Variants in MID1 observed in about 807,000 individuals in gnomAD.
MID1 encodes the protein midline 1, also known as E3 ubiquitin-protein ligase Midline-1.
Under a neutral mutation model 40.4 loss-of-function variants are expected in MID1, and 7 were observed. The ratio of observed to expected loss-of-function variants is 0.17; its 90% CI spans 0.10 to 0.33. The LOEUF (loss-of-function observed/expected upper bound fraction) is 0.33. Among genes scored for constraint, MID1 ranks in the 10% least tolerant of loss-of-function variants. MID1 has a pLI of 1.00. For missense variants in MID1, 367 were observed against 558.5 expected (o/e 0.66, Z 3.46); for synonymous variants, 229 against 221.2 (o/e 1.04, Z -0.31).
chrX:10,818,472 C>T (rs961227804), intron 1 of MID1, among the ~76,000 whole-genome samples: 9 of 112,644 alleles, frequency 8.0e-5, no homozygotes, highest in East Asian at 2.8e-4. Flanking sequence ...TTTCTACATG[C>T]TATCAGTGTT....
chrX:10,712,141 G>A (rs1363898306), intron 1 of MID1, among the ~76,000 whole-genome samples: 1 of 111,714 alleles, frequency 9.0e-6, no homozygotes, highest in Non-Finnish European at 1.9e-5. Context: ...ACATGAGTAG[G>A]GAAGGAGAGG....
At chrX:10,627,055 G>A (rs929525973) in intron 1 of MID1, among the ~76,000 whole-genome samples, 2 of 111,843 alleles carry the variant, frequency 1.8e-5, no homozygotes, top group Non-Finnish European at 3.8e-5. Context: ...AGGGATTACT[G>A]TTTTTCATTA....
chrX:10,469,290 C>T (rs1359232292), intron 7 of MID1: 19 of 871,013 alleles, frequency 2.2e-5, no homozygotes, highest in Non-Finnish European at 2.7e-5. Context: ...ACCAGGTTGC[C>T]CAGGGTTTAT....
chrX:10,757,542 T>C (rs2043639864), intron 1 of MID1, among the ~76,000 whole-genome samples: 1 of 112,558 alleles, frequency 8.9e-6, no homozygotes, highest in Non-Finnish European at 1.9e-5. Context: ...CTGAGGTTTA[T>C]GCATGCAGTT....
At chrX:10,737,463 C>T (rs2043495103) in intron 1 of MID1, among the ~76,000 whole-genome samples, 1 of 112,653 alleles carries the variant, frequency 8.9e-6, no homozygotes, top group African/African-American at 3.2e-5. Flanking sequence ...CTGAAACATG[C>T]CGGCCGCGGC....
At chrX:10,825,429 A>G (rs189342743) in intron 1 of MID1, among the ~76,000 whole-genome samples, 104 of 112,295 alleles carry the variant, frequency 9.3e-4, no homozygotes, top group African/African-American at 3.3e-3. Context: ...GTGGAATTAC[A>G]CATGTCATAT....
intron 1 of MID1, among the ~76,000 whole-genome samples, chrX:10,813,298 T>G (rs1192798738): frequency 9.0e-6 from 1 of 111,120 alleles, no homozygotes; most frequent in Non-Finnish European, 1.9e-5. Flanking sequence ...ACAAAAACAG[T>G]GTAATGATTG....
intron 2 of MID1, among the ~76,000 whole-genome samples, chrX:10,546,031 C>T (rs1404495810): frequency 9.0e-6 from 1 of 110,580 alleles, no homozygotes; most frequent in Non-Finnish European, 1.9e-5. Flanking sequence ...AACTCTTACA[C>T]AATAGAACAT....
At chrX:10,460,155 G>T in intron 7 of MID1, 1 of 291,570 alleles carries the variant, frequency 3.4e-6, no homozygotes, top group Non-Finnish European at 6.2e-6. Flanking sequence ...GCAAGAGTAG[G>T]CATGACAAAA....
At position 10,505,507 on chromosome X, in the gene MID1, C is replaced by T. The variant is rs902375121; in HGVS notation, c.757-9816G>A. On this transcript the variant is annotated intron_variant, in intron 3 of 9. Coordinates refer to ENST00000317552, the MANE Select transcript of MID1 (RefSeq NM_000381.4). ...CACACCCTTCCGTTTGGGCTGGGCA[C>T]ACTGAATGAAAAGAAATCTACTTAA... The T allele has an allele frequency of 4.0e-6, 3 of 752,563 alleles. No homozygotes were observed. In the African/African-American group the frequency reaches 6.9e-5, roughly 17 times the overall value. The allele number at this position is 752,563 out of a possible 1,213,427, so 62.0% of individuals were successfully genotyped here. A position where few individuals can be genotyped will look rare whatever the true frequency, so the allele number is the denominator to read the frequency against.
chrX:10,561,693 A>G (rs1934344333), intron 2 of MID1, among the ~76,000 whole-genome samples: 1 of 107,458 alleles, frequency 9.3e-6, no homozygotes, highest in Non-Finnish European at 1.9e-5. Flanking sequence ...AGCCAGTTAG[A>G]ATGGCGATTA....
intron 3 of MID1, among the ~76,000 whole-genome samples, chrX:10,502,456 G>A (rs1931600068): frequency 9.0e-6 from 1 of 111,454 alleles, no homozygotes; most frequent in East Asian, 2.8e-4. Flanking sequence ...TTCTATTTCT[G>A]GGTGTTGAGA....
intron 2 of MID1, among the ~76,000 whole-genome samples, chrX:10,533,435 G>GAA (rs1329741596): frequency 1.3e-5 from 1 of 75,761 alleles, no homozygotes. Context: ...AAGAAAGAAA[G>GAA]AGAAAGAAAA....
At chrX:10,716,024 C>T (rs1054657211) in intron 1 of MID1, among the ~76,000 whole-genome samples, 7 of 111,574 alleles carry the variant, frequency 6.3e-5, no homozygotes, top group African/African-American at 2.0e-4. Flanking sequence ...GAAAGGACAT[C>T]CACACCAAAA....
intron 1 of MID1, among the ~76,000 whole-genome samples, chrX:10,708,783 C>T (rs2043247118): frequency 8.9e-6 from 1 of 111,816 alleles, no homozygotes; most frequent in South Asian, 3.8e-4. Flanking sequence ...AAGGGTATAT[C>T]CTGCTTTAAA....
intron 3 of MID1, among the ~76,000 whole-genome samples, chrX:10,510,633 C>A (rs1396414401): frequency 9.3e-6 from 1 of 107,742 alleles, no homozygotes; most frequent in East Asian, 2.9e-4. Flanking sequence ...GAGATCGAGA[C>A]CATCCTGGCC....
intron 1 of MID1, among the ~76,000 whole-genome samples, chrX:10,821,837 T>C (rs1264445825): frequency 2.7e-5 from 3 of 111,300 alleles, no homozygotes; most frequent in Admixed American, 1.9e-4. Context: ...CAGTCTCCAA[T>C]ATTTTCTAGC....
Position 10,482,485 on chromosome X carries a change from G to A in MID1, c.1008C>T (p.Thr336=), listed in dbSNP as rs187071768. 19 of 1,208,669 alleles carry A rather than the reference G, an allele frequency of 1.6e-5. No individual in the cohort carries two copies. In the Admixed American group the frequency reaches 3.7e-4, roughly 24 times the overall value. ...CCAGGGGCCCCTGCACTCACCTCTC[G>A]GTGATATTCTTAGCAGTCTGTAGGA... is the stretch of plus-strand genomic sequence containing the variant. ...ARFLQTAKNI[T]ERVSMATASS... The change falls in exon 5 of 10, where the codon ACC becomes ACT. Residue 336 remains threonine (T), a synonymous_variant. Coordinates refer to ENST00000317552, the MANE Select transcript of MID1 (RefSeq NM_000381.4).
chrX:10,721,075 C>T (rs1272485520), intron 1 of MID1, among the ~76,000 whole-genome samples: 1 of 109,170 alleles, frequency 9.2e-6, no homozygotes, highest in African/African-American at 3.4e-5. Flanking sequence ...GGAGGGATAG[C>T]ATTAGGAGAT....
Sources: gnomAD v4.1 joint callset for allele counts (sites outside exome capture counted in the v4.1 genomes callset) on GRCh38, gnomAD v4.1.1 for gene constraint, MANE v1.5 for transcripts, NCBI Gene and HGNC (gene_info 2026-07-23, HGNC 2026-07-21) for gene names.